NUMB: variants seen among roughly 807,000 people sequenced by gnomAD.
The protein encoded by NUMB is protein numb homolog.
A neutral mutation model predicts 59.7 loss-of-function variants in NUMB; 29 were observed. The observed-to-expected ratio is 0.49, with a 90% CI of 0.36 to 0.66. The LOEUF is 0.66. Among genes scored for constraint, NUMB ranks in the 30% least tolerant of loss-of-function variants. NUMB has a pLI of 0.00. For missense variants in NUMB, 723 were observed against 822.0 expected (o/e 0.88, Z 1.47); for synonymous variants, 288 against 288.2 (o/e 1.00, Z 0.01).
intron 2 of NUMB, among the ~76,000 whole-genome samples, chr14:73,401,563 A>ATT (rs1164847403): frequency 0.021 from 2,264 of 109,922 alleles, 79 homozygotes; most frequent in African/African-American, 0.055. Context: ...GTAAGACTAA[A>ATT]TTTTTTTTTT....
In NUMB at chr14:73,283,537, C is replaced by T. The variant is rs189698786; in HGVS notation, c.949+544G>A. Among the ~76,000 whole-genome samples, 185 of 152,300 alleles carry T rather than the reference C, an allele frequency of 1.2e-3. 1 individual carries two copies. The highest frequency in any genetic ancestry group is 3.4e-3 in the Middle Eastern group (1 of 294). On this transcript the variant is annotated intron_variant, in intron 10 of 12. Coordinates refer to ENST00000555238, the MANE Select transcript of NUMB (RefSeq NM_001005743.2). ...AGAGGCCACACAAAGGCCTGTGAGACGGTTCTGAAAGGTAATGAATACTTG... is the reference window on the plus strand; with the variant it reads ...AGAGGCCACACAAAGGCCTGTGAGATGGTTCTGAAAGGTAATGAATACTTG...
chr14:73,368,544 T>C (rs1594956051), intron 2 of NUMB, among the ~76,000 whole-genome samples: 1 of 151,318 alleles, frequency 6.6e-6, no homozygotes, highest in African/African-American at 2.4e-5. Flanking sequence ...GATCGCGCCA[T>C]TGCACTCCAG....
chr14:73,277,675 C>A (rs1389136565), intron 12 of NUMB, among the ~76,000 whole-genome samples: 3 of 151,386 alleles, frequency 2.0e-5, no homozygotes, highest in Non-Finnish European at 4.4e-5. Flanking sequence ...GGCAGGAGGA[C>A]TACTTGAGCC....
At chr14:73,291,078 TG>T (rs1889358196) in intron 8 of NUMB, among the ~76,000 whole-genome samples, 1 of 152,138 alleles carries the variant, frequency 6.6e-6, no homozygotes, top group Non-Finnish European at 1.5e-5. Context: ...GTTTAGTTTT[TG>T]TTTTTTGTTT....
intron 1 of NUMB, among the ~76,000 whole-genome samples, chr14:73,440,196 C>CAT (rs60750268): frequency 1.8e-4 from 9 of 51,190 alleles, no homozygotes; most frequent in South Asian, 1.5e-3. Context: ...ACTAGATATC[C>CAT]ATATATATAT....
chr14:73,386,106 CA>C (rs1373072956), intron 2 of NUMB, among the ~76,000 whole-genome samples: 2 of 151,808 alleles, frequency 1.3e-5, no homozygotes, highest in South Asian at 2.1e-4. Flanking sequence ...TAACCAGGAT[CA>C]GGGGTGCAAG....
intron 8 of NUMB, among the ~76,000 whole-genome samples, chr14:73,289,522 G>A (rs1003248261): frequency 5.9e-5 from 9 of 151,854 alleles, no homozygotes; most frequent in African/African-American, 1.7e-4. Flanking sequence ...ATCACATCAC[G>A]TAGGCAGCTG....
intron 1 of NUMB, among the ~76,000 whole-genome samples, chr14:73,433,100 G>A (rs920749587): frequency 1.3e-5 from 2 of 151,962 alleles, no homozygotes; most frequent in African/African-American, 4.8e-5. Context: ...CCAGCTACTC[G>A]GGAGGCTGAG....
chr14:73,451,772 C>G (rs1384214876), intron 1 of NUMB, among the ~76,000 whole-genome samples: 1 of 152,162 alleles, frequency 6.6e-6, no homozygotes, highest in Non-Finnish European at 1.5e-5. Context: ...TAGCTGATTT[C>G]TGTGTCCCTG....
chr14:73,310,930 C>T (rs1321916954), intron 6 of NUMB, among the ~76,000 whole-genome samples: 3 of 152,046 alleles, frequency 2.0e-5, no homozygotes, highest in Non-Finnish European at 2.9e-5. Flanking sequence ...ATGTTAAGTG[C>T]CATGTAATTA....
At chr14:73,439,809 C>A (rs541726232) in intron 1 of NUMB, among the ~76,000 whole-genome samples, 1 of 152,068 alleles carries the variant, frequency 6.6e-6, no homozygotes, top group Non-Finnish European at 1.5e-5. Flanking sequence ...TCTTTTCTTC[C>A]TTTAAGTCAC....
intron 1 of NUMB, among the ~76,000 whole-genome samples, chr14:73,415,946 ATCTAGATT>A (rs1405496305): frequency 6.6e-6 from 1 of 152,160 alleles, no homozygotes; most frequent in Non-Finnish European, 1.5e-5. Context: ...AAGAAAAAAA[ATCTAGATT>A]TCTATAAACA....
intron 4 of NUMB, among the ~76,000 whole-genome samples, chr14:73,326,064 G>GA (rs1471934045): frequency 6.6e-6 from 1 of 152,164 alleles, no homozygotes; most frequent in Non-Finnish European, 1.5e-5. Context: ...TAGAGGTCAA[G>GA]AAAGGGGAGC....
intron 2 of NUMB, among the ~76,000 whole-genome samples, chr14:73,394,676 G>A (rs543104959): frequency 2.3e-4 from 35 of 152,206 alleles, no homozygotes; most frequent in African/African-American, 7.7e-4. Flanking sequence ...TGTACCCTTT[G>A]ACCTGTTCCC....
chr14:73,423,966 C>CAAAAA (rs34582645), intron 1 of NUMB, among the ~76,000 whole-genome samples: 2 of 74,302 alleles, frequency 2.7e-5, no homozygotes, highest in African/African-American at 4.7e-5. Flanking sequence ...ACCCTGTCTC[C>CAAAAA]AAAAAAAAAA....
chr14:73,353,873 GA>G (rs940710377), intron 4 of NUMB, among the ~76,000 whole-genome samples: 13 of 149,816 alleles, frequency 8.7e-5, no homozygotes, highest in African/African-American at 2.2e-4. Context: ...GGAGATAACA[GA>G]AAAAAAAAGT....
chr14:73,421,439 A>G (rs1317351809), intron 1 of NUMB, among the ~76,000 whole-genome samples: 1 of 152,128 alleles, frequency 6.6e-6, no homozygotes, highest in African/African-American at 2.4e-5. Context: ...TCAGCCTCCC[A>G]AAGTGCTGAA....
intron 6 of NUMB, among the ~76,000 whole-genome samples, chr14:73,307,693 C>G (rs1890531610): frequency 6.7e-6 from 1 of 148,544 alleles, no homozygotes; most frequent in Non-Finnish European, 1.5e-5. Context: ...TACTGGAGGA[C>G]ATGGGACAGT....
intron 4 of NUMB, among the ~76,000 whole-genome samples, chr14:73,339,505 CA>C (rs1416282386): frequency 6.6e-6 from 1 of 152,152 alleles, no homozygotes; most frequent in Non-Finnish European, 1.5e-5. Flanking sequence ...TGTATTTGCT[CA>C]AAAGTTACTT....
Sources: gnomAD v4.1 joint callset for allele counts (sites outside exome capture counted in the v4.1 genomes callset) on GRCh38, gnomAD v4.1.1 for gene constraint, MANE v1.5 for transcripts, NCBI Gene and HGNC (gene_info 2026-07-23, HGNC 2026-07-21) for gene names.